Variants in HIP1 observed in about 807,000 individuals in gnomAD.
HIP1 encodes huntingtin interacting protein 1.
A neutral mutation model predicts 147.6 loss-of-function variants in HIP1; 65 were observed. The ratio of observed to expected loss-of-function variants is 0.44; its 90% CI spans 0.36 to 0.54. The LOEUF is 0.54. Among genes scored for constraint, HIP1 ranks in the 20% least tolerant of loss-of-function variants. The pLI, the probability that HIP1 is intolerant of heterozygous loss-of-function variation, is 0.00. For missense variants in HIP1, 1,061 were observed against 1,299.6 expected (o/e 0.82, Z 2.82); for synonymous variants, 479 against 504.0 (o/e 0.95, Z 0.67).
At chr7:75,597,874 C>T (rs587740141) in intron 2 of HIP1, among the ~76,000 whole-genome samples, 14 of 152,250 alleles carry the variant, frequency 9.2e-5, no homozygotes, top group African/African-American at 3.1e-4. Flanking sequence ...TTAAGCGCTC[C>T]AGTTCCTGGA....
chr7:75,727,781 G>A (rs1801700007), intron 1 of HIP1, among the ~76,000 whole-genome samples: 1 of 151,656 alleles, frequency 6.6e-6, no homozygotes, highest in Admixed American at 6.6e-5. Context: ...AGGAGCAGGA[G>A]GTTGCAGTGA....
intron 1 of HIP1, among the ~76,000 whole-genome samples, chr7:75,699,340 T>C (rs1483357847): frequency 6.6e-6 from 1 of 152,192 alleles, no homozygotes; most frequent in African/African-American, 2.4e-5. Context: ...TCTTGATTTT[T>C]ATATAGCTCA....
At chr7:75,700,511 A>G (rs1484976068) in intron 1 of HIP1, among the ~76,000 whole-genome samples, 1 of 152,144 alleles carries the variant, frequency 6.6e-6, no homozygotes, top group African/African-American at 2.4e-5. Flanking sequence ...CAGAGTCTCC[A>G]TGAGGGTGGG....
chr7:75,627,880 G>A (rs1798097450), intron 1 of HIP1, among the ~76,000 whole-genome samples: 2 of 152,266 alleles, frequency 1.3e-5, no homozygotes, highest in South Asian at 4.1e-4. Context: ...GGGCCCTGAG[G>A]TTTAGACTCA....
At chr7:75,635,457 A>C (rs1798389458) in intron 1 of HIP1, among the ~76,000 whole-genome samples, 1 of 152,016 alleles carries the variant, frequency 6.6e-6, no homozygotes, top group African/African-American at 2.4e-5. Context: ...GGGCGCCTGT[A>C]ATCCCAGCTA....
At chr7:75,663,945 T>TACAC (rs1427693522) in intron 1 of HIP1, among the ~76,000 whole-genome samples, 15 of 138,648 alleles carry the variant, frequency 1.1e-4, no homozygotes, top group South Asian at 7.0e-4. Context: ...TATATATATA[T>TACAC]ATACACATAT....
chr7:75,573,200 G>A (rs1431680834), intron 8 of HIP1, among the ~76,000 whole-genome samples: 1 of 152,154 alleles, frequency 6.6e-6, no homozygotes, highest in African/African-American at 2.4e-5. Context: ...GAGATGGGAC[G>A]ACCAGCTACA....
Position 75,559,841 on chromosome 7 carries a change from C to T in HIP1, c.1266G>A (p.Leu422=), listed in dbSNP as rs782679449. 6.2e-7 allele frequency: 1 copy of T among 1,612,924 alleles called. No homozygotes were observed. The highest frequency in any genetic ancestry group is 1.7e-5 in the Admixed American group (1 of 60,014). ...LEADLAEQQH[L]RQQAADDCEF... The stretch of plus-strand genomic sequence containing the variant: ...CACAGTCGTCGGCCGCCTGCTGCCG[C>T]AGGTGCTGCTGCTCGGCCAGATCTG... The change falls in exon 14 of 31, where the codon CTG becomes CTA. Residue 422 remains leucine (L), a synonymous_variant. Transcript: ENST00000336926.
intron 1 of HIP1, among the ~76,000 whole-genome samples, chr7:75,704,049 TG>T (rs1554519441): frequency 3.3e-5 from 5 of 152,082 alleles, no homozygotes; most frequent in African/African-American, 1.2e-4. Context: ...CCAGTGAACC[TG>T]GTAAGAACTT....
intron 6 of HIP1, 67 bp from the exon 7 acceptor site, chr7:75,581,365 C>A: frequency 1.7e-6 from 2 of 1,174,256 alleles, no homozygotes; most frequent in South Asian, 1.3e-5. Context: ...TGTCCCCTCC[C>A]CCACGCTCTA....
At position 75,597,043 on chromosome 7, in the gene HIP1, T is replaced by C. The variant is rs754926474; in HGVS notation, c.184+2141A>G. Reference sequence around the variant, plus strand: ...CTGGGCCGTTTAAAATAAAGGCTTTTCTTGGTTTGCTTTGAATCATCGCAA... The same window carrying C: ...CTGGGCCGTTTAAAATAAAGGCTTTCCTTGGTTTGCTTTGAATCATCGCAA... On this transcript the variant is annotated intron_variant, in intron 2 of 30. Transcript: ENST00000336926. Among the ~76,000 whole-genome samples, 436 of 152,368 alleles carry C rather than the reference T, an allele frequency of 2.9e-3. 11 individuals are homozygous for C. Among genetic ancestry groups the C allele is most frequent in the Non-Finnish European group, 3.5e-3 (241 of 68,042 alleles).
At chr7:75,700,956 C>T (rs1397627237) in intron 1 of HIP1, among the ~76,000 whole-genome samples, 2 of 152,130 alleles carry the variant, frequency 1.3e-5, no homozygotes, top group Non-Finnish European at 2.9e-5. Context: ...CCGCCCGTCT[C>T]GGCCTCCTAA....
chr7:75,554,265 G>A, intron 20 of HIP1, 45 bp from the exon 21 acceptor site: 3 of 1,515,520 alleles, frequency 2.0e-6, no homozygotes, highest in Non-Finnish European at 2.7e-6. Context: ...GGTTGATGGT[G>A]ACACTTTCAT....
chr7:75,561,965 C>T (rs1342768701), intron 12 of HIP1, 108 bp downstream of exon 12: 2 of 715,224 alleles, frequency 2.8e-6, no homozygotes, highest in Admixed American at 2.2e-5. Context: ...TGTTCTGTAT[C>T]TAAGAAGCCC....
intron 1 of HIP1, among the ~76,000 whole-genome samples, chr7:75,606,243 C>T (rs190563581): frequency 8.4e-4 from 128 of 152,202 alleles, no homozygotes; most frequent in African/African-American, 2.6e-3. Context: ...AGCTGTAAAA[C>T]GAGCTTCAGT....
rs1191569474 is a variant in HIP1, at chr7:75,533,427, A to G, written c.*4745T>C. ...GAAGCCAGTGGCCACCTGCCCTGGG[A>G]AGGTAGGCACTCAGTGAAAAATGAA... On this transcript the variant is annotated 3_prime_UTR_variant, in exon 31 of 31. Coordinates refer to ENST00000336926, the MANE Select transcript of HIP1 (RefSeq NM_005338.7). 5 of 231,484 alleles carry G rather than the reference A, an allele frequency of 2.2e-5. No individual in the cohort carries two copies. Among genetic ancestry groups the G allele is most frequent in the African/African-American group, 1.1e-4 (5 of 45,248 alleles). The allele number at this position is 231,484 out of a possible 1,614,324, so 14.3% of individuals were successfully genotyped here.
chr7:75,647,714 C>T (rs782761142), intron 1 of HIP1, among the ~76,000 whole-genome samples: 5 of 152,348 alleles, frequency 3.3e-5, no homozygotes, highest in Admixed American at 6.5e-5. Context: ...GCCCTGGCAG[C>T]AGCTGGTTGG....
intron 1 of HIP1, among the ~76,000 whole-genome samples, chr7:75,704,694 C>T (rs567865300): frequency 2.6e-5 from 4 of 152,204 alleles, no homozygotes; most frequent in African/African-American, 4.8e-5. Flanking sequence ...GCGATCCTCC[C>T]GTCTCAGTAG....
At chr7:75,637,981 C>T (rs1277866660) in intron 1 of HIP1, among the ~76,000 whole-genome samples, 1 of 28,076 alleles carries the variant, frequency 3.6e-5, no homozygotes, top group Non-Finnish European at 7.7e-5. Context: ...ACCCAGACCC[C>T]CCCCCCCCCC....
Sources: allele counts gnomAD v4.1 joint callset (sites outside exome capture counted in the v4.1 genomes callset), GRCh38; gene constraint gnomAD v4.1.1; transcripts MANE v1.5; gene names NCBI Gene and HGNC (gene_info 2026-07-23, HGNC 2026-07-21).